The following APBA2 variants were observed in gnomAD, a reference collection of about 807,000 sequenced individuals.
The protein encoded by APBA2 is amyloid-beta A4 precursor protein-binding family A member 2.
A neutral mutation model predicts 75.0 loss-of-function variants in APBA2; 30 were observed. That is an observed-to-expected ratio of 0.40 (90% confidence interval 0.30 to 0.54). APBA2 has a LOEUF of 0.54. Among genes scored for constraint, APBA2 ranks in the 20% least tolerant of loss-of-function variants. The pLI is 0.49. For missense variants in APBA2, 801 were observed against 1,016.1 expected, an observed-to-expected ratio of 0.79 and a Z score of 2.88; for synonymous variants, 444 against 409.6, an observed-to-expected ratio of 1.08 and a Z score of -1.01.
chr15:29,026,339 C>T (rs1159986972), intron 3 of APBA2, among the ~76,000 whole-genome samples: 5 of 152,172 alleles, frequency 3.3e-5, no homozygotes, highest in Admixed American at 1.3e-4. Context: ...GGTGCATTTA[C>T]CCTACAGCTG....
chr15:28,975,649 G>GA (rs1420409772), intron 2 of APBA2, among the ~76,000 whole-genome samples: 1 of 152,048 alleles, frequency 6.6e-6, no homozygotes, highest in East Asian at 1.9e-4. Context: ...GTTGCATTAG[G>GA]AAAAAAACAA....
chr15:29,082,424 A>G (rs1420576280), intron 6 of APBA2, among the ~76,000 whole-genome samples: 2 of 152,186 alleles, frequency 1.3e-5, no homozygotes, highest in Admixed American at 1.3e-4. Context: ...CTAGTATACA[A>G]TACAGGATTA....
chr15:28,962,464 G>C (rs2036528903), intron 2 of APBA2, among the ~76,000 whole-genome samples: 2 of 152,154 alleles, frequency 1.3e-5, no homozygotes, highest in Non-Finnish European at 2.9e-5. Flanking sequence ...AGCTACTCAG[G>C]AGGCTGAGGC....
At chr15:28,947,063 C>G (rs1221283568) in intron 2 of APBA2, among the ~76,000 whole-genome samples, 1 of 152,256 alleles carries the variant, frequency 6.6e-6, no homozygotes, top group African/African-American at 2.4e-5. Flanking sequence ...TCATTTTGCT[C>G]AAGTCCTATG....
intron 10 of APBA2, among the ~76,000 whole-genome samples, chr15:29,103,835 A>G (rs995710620): frequency 2.0e-5 from 3 of 152,138 alleles, no homozygotes; most frequent in Admixed American, 1.3e-4. Context: ...CTCTTCCCAA[A>G]GGCCCGACCC....
intron 3 of APBA2, among the ~76,000 whole-genome samples, chr15:29,038,883 A>G (rs926968731): frequency 1.3e-5 from 2 of 151,576 alleles, no homozygotes; most frequent in African/African-American, 4.8e-5. Context: ...TATGTTGGCC[A>G]GGCTGGTCTC....
At chr15:29,094,419 TG>T in intron 8 of APBA2, 106 bp downstream of exon 8, 1 of 1,092,444 alleles carries the variant, frequency 9.2e-7, no homozygotes. Context: ...TAAATAATGT[TG>T]CAAAGCAGCT....
In APBA2 at chr15:29,113,891, A is replaced by G; in HGVS notation, c.2053A>G (p.Arg685Gly). The change falls in exon 14 of 15, where the codon AGA (arginine) becomes GGA (glycine). Residue 685 changes from arginine (R) to glycine (G), a missense_variant. Physicochemically the swap from Arg to Gly is moderately radical, Grantham distance 125. This residue lies in a region of APBA2 where 367 missense variants were observed against 544.5 expected (regional missense o/e 0.67). Coordinates refer to ENST00000683413, the MANE Select transcript of APBA2 (RefSeq NM_001353788.2). ...GTCTGCTTAGATCTGCAGCCTCATG[A>G]GAGGGGGCATTGCTGAGCGAGGGGG... Reference protein sequence around the residue: ...VQNGIICSLMRGGIAERGGVR... With the variant: ...VQNGIICSLMGGGIAERGGVR... 1 of 1,612,028 alleles carries G rather than the reference A, an allele frequency of 6.2e-7. No individual in the cohort carries two copies. The highest frequency in any genetic ancestry group is 8.5e-7 in the Non-Finnish European group (1 of 1,179,996).
intron 3 of APBA2, among the ~76,000 whole-genome samples, chr15:29,012,271 CTCT>C (rs1262829408): frequency 1.7e-4 from 26 of 152,292 alleles, no homozygotes; most frequent in African/African-American, 6.0e-4. Flanking sequence ...GTGACAGTTC[CTCT>C]GACTTTCCTT....
intron 9 of APBA2, among the ~76,000 whole-genome samples, chr15:29,098,927 C>T (rs2043984726): frequency 6.6e-6 from 1 of 152,180 alleles, no homozygotes; most frequent in African/African-American, 2.4e-5. Flanking sequence ...AACCCAGTGC[C>T]GTGCCCTGAC....
intron 2 of APBA2, 68 bp from the exon 3 acceptor site, chr15:28,995,685 C>T (rs1372418424): frequency 6.6e-6 from 1 of 152,168 alleles, no homozygotes; most frequent in African/African-American, 2.4e-5. Context: ...TGAAGGAGCT[C>T]TATGTGCGCA....
intron 6 of APBA2, among the ~76,000 whole-genome samples, chr15:29,092,492 C>G (rs879429939): frequency 2.6e-5 from 4 of 152,172 alleles, no homozygotes; most frequent in African/African-American, 4.8e-5. Flanking sequence ...AGAGATAGAA[C>G]CTTCCATTGT....
intron 6 of APBA2, among the ~76,000 whole-genome samples, chr15:29,081,968 G>C (rs1289289664): frequency 4.6e-5 from 7 of 152,370 alleles, no homozygotes. Context: ...CTTCCCAAGG[G>C]GGGACAGCGT....
intron 10 of APBA2, among the ~76,000 whole-genome samples, chr15:29,103,197 T>C (rs1242489736): frequency 6.6e-6 from 1 of 152,182 alleles, no homozygotes; most frequent in African/African-American, 2.4e-5. Context: ...TGGTGAGAGT[T>C]TCCAAGGGGC....
intron 1 of APBA2, among the ~76,000 whole-genome samples, chr15:28,899,518 G>A (rs897441525): frequency 2.0e-4 from 30 of 152,206 alleles, no homozygotes; most frequent in African/African-American, 7.2e-4. Context: ...CTGAGGCTTC[G>A]TGGAAGCCGT....
chr15:28,957,942 G>A (rs1414565468), intron 2 of APBA2, among the ~76,000 whole-genome samples: 2 of 152,224 alleles, frequency 1.3e-5, no homozygotes, highest in Non-Finnish European at 2.9e-5. Flanking sequence ...TTTGGCCTAT[G>A]ACTGTGTCCT....
At chr15:29,023,882 T>C (rs2152833939) in intron 3 of APBA2, among the ~76,000 whole-genome samples, 1 of 151,632 alleles carries the variant, frequency 6.6e-6, no homozygotes, top group East Asian at 2.0e-4. Context: ...TTATTATATT[T>C]GCTACTTCTT....
At chr15:28,957,168 G>T (rs936847188) in intron 2 of APBA2, among the ~76,000 whole-genome samples, 1 of 152,094 alleles carries the variant, frequency 6.6e-6, no homozygotes. Context: ...CGCCTCCCGG[G>T]TTCACGCCAT....
At chr15:28,889,153 C>A (rs944815085) in intron 1 of APBA2, among the ~76,000 whole-genome samples, 64 of 152,282 alleles carry the variant, frequency 4.2e-4, no homozygotes, top group African/African-American at 1.5e-3. Context: ...CAGCTCGTGT[C>A]TCAGAGCAGC....
Sources: allele counts gnomAD v4.1 joint callset (sites outside exome capture counted in the v4.1 genomes callset), GRCh38; gene constraint gnomAD v4.1.1; regional missense constraint gnomAD v4.1.1; transcripts MANE v1.5; gene names NCBI Gene and HGNC (gene_info 2026-07-23, HGNC 2026-07-21).